Variants in ALK observed in about 807,000 individuals in gnomAD.
The protein encoded by ALK is ALK tyrosine kinase receptor.
In ALK, 74 loss-of-function variants were observed where a neutral mutation model predicts 163.1. The observed-to-expected ratio is 0.45, with a 90% CI of 0.38 to 0.55. The LOEUF is 0.55. Ranked by LOEUF, ALK falls within the 20% of genes least tolerant of loss-of-function variation. The pLI is 0.00. For missense variants in ALK, 2,063 were observed against 2,105.3 expected (o/e 0.98, Z 0.39); for synonymous variants, 960 against 843.2 (o/e 1.14, Z -2.40).
intron 4 of ALK, among the ~76,000 whole-genome samples, chr2:29,450,244 G>A (rs531558265): frequency 1.3e-5 from 2 of 152,310 alleles, no homozygotes; most frequent in South Asian, 2.1e-4. Flanking sequence ...CCGCTCAGAT[G>A]TTCATGTATG....
rs1677333855 is a variant in ALK at position 29,661,097 on chromosome 2, G to A, written c.952+33753C>T. Among the ~76,000 whole-genome samples, 3 of 152,130 alleles carry A rather than the reference G, an allele frequency of 2.0e-5. No individual in the cohort carries two copies. The South Asian group carries it at 6.2e-4, about 32-fold the overall frequency. On this transcript the variant is annotated intron_variant, in intron 3 of 28. Transcript: ENST00000389048. ...GACACCAATACTTACTGAGTGTTGT[G>A]CATTCTTCTAGGGATTTTATATATG...
intron 1 of ALK, among the ~76,000 whole-genome samples, chr2:29,741,908 G>C (rs1028562986): frequency 6.6e-5 from 10 of 152,192 alleles, no homozygotes; most frequent in African/African-American, 2.4e-4. Context: ...TGGGGAGAGA[G>C]AATTACTCAC....
At chr2:29,632,592 G>A (rs1676409339) in intron 3 of ALK, among the ~76,000 whole-genome samples, 1 of 152,204 alleles carries the variant, frequency 6.6e-6, no homozygotes, top group African/African-American at 2.4e-5. Context: ...ACCATGTGAA[G>A]ATGCAGTGAG....
At chr2:29,750,179 C>T (rs1680316614) in intron 1 of ALK, among the ~76,000 whole-genome samples, 1 of 152,182 alleles carries the variant, frequency 6.6e-6, no homozygotes. Flanking sequence ...TAGATGATTT[C>T]ATCACAGTGT....
chr2:29,891,706 G>C (rs1320574489), intron 1 of ALK, among the ~76,000 whole-genome samples: 1 of 152,156 alleles, frequency 6.6e-6, no homozygotes, highest in African/African-American at 2.4e-5. Context: ...TGCTTAGAGA[G>C]AGAATGACTC....
rs185567374 is a variant in ALK, at chr2:29,403,351, A to G, written c.1155-19492T>C. 1.3e-4 allele frequency among the ~76,000 whole-genome samples: 20 copies of G among 152,284 alleles called. No homozygotes were observed. The East Asian group carries it at 3.9e-3, about 29-fold the overall frequency. On this transcript the variant is annotated intron_variant, in intron 4 of 28. Coordinates refer to ENST00000389048, the MANE Select transcript of ALK (RefSeq NM_004304.5). Reference sequence around the variant, plus strand: ...ATTTGCCACAGACTCACCTACCAGAATATCAGGAAAGCATTGTCCAGTGGG... The same window carrying G: ...ATTTGCCACAGACTCACCTACCAGAGTATCAGGAAAGCATTGTCCAGTGGG...
At chr2:29,251,333 G>T (rs2148197918) in intron 11 of ALK, 66 bp from the exon 12 acceptor site, 1 of 1,539,154 alleles carries the variant, frequency 6.5e-7, no homozygotes, top group South Asian at 1.2e-5. Flanking sequence ...GGGCCTCCCT[G>T]GGTGGCCTCT....
At chr2:29,873,464 G>A (rs980116510) in intron 1 of ALK, among the ~76,000 whole-genome samples, 43 of 152,270 alleles carry the variant, frequency 2.8e-4, no homozygotes, top group African/African-American at 8.9e-4. Context: ...ACTGAGAATG[G>A]GAAACCTGGA....
intron 1 of ALK, among the ~76,000 whole-genome samples, chr2:29,889,302 A>T (rs1159204192): frequency 1.3e-5 from 2 of 152,074 alleles, no homozygotes; most frequent in African/African-American, 4.8e-5. Flanking sequence ...TATATATCAC[A>T]TATAAGCTAA....
At chr2:29,412,777 T>C (rs1669754381) in intron 4 of ALK, among the ~76,000 whole-genome samples, 1 of 152,198 alleles carries the variant, frequency 6.6e-6, no homozygotes, top group Non-Finnish European at 1.5e-5. Flanking sequence ...GGTCCAGCCT[T>C]GTTTTTTCAA....
chr2:29,365,741 A>G (rs1668489088), intron 5 of ALK, among the ~76,000 whole-genome samples: 1 of 152,198 alleles, frequency 6.6e-6, no homozygotes, highest in African/African-American at 2.4e-5. Context: ...AAATATTTTG[A>G]GTTCTTTATC....
At chr2:29,917,929 G>T (rs1489289697) in intron 1 of ALK, among the ~76,000 whole-genome samples, 2 of 152,206 alleles carry the variant, frequency 1.3e-5, no homozygotes, top group East Asian at 3.9e-4. Flanking sequence ...ATGCATAAGG[G>T]CTTGGTCCAG....
intron 1 of ALK, among the ~76,000 whole-genome samples, chr2:29,828,245 A>T (rs1211471435): frequency 6.6e-6 from 1 of 152,214 alleles, no homozygotes; most frequent in South Asian, 2.1e-4. Flanking sequence ...ACCATTCAGG[A>T]CATAGGCATG....
At chr2:29,330,297 T>A (rs761945844) in intron 5 of ALK, among the ~76,000 whole-genome samples, 6 of 152,190 alleles carry the variant, frequency 3.9e-5, no homozygotes, top group Non-Finnish European at 7.3e-5. Context: ...GTGATGGTTG[T>A]GTGATGATGC....
chr2:29,466,733 T>C (rs1331382544), intron 4 of ALK, among the ~76,000 whole-genome samples: 1 of 152,150 alleles, frequency 6.6e-6, no homozygotes, highest in East Asian at 1.9e-4. Context: ...TTGATGAAAA[T>C]GAGGTAGAAA....
intron 3 of ALK, among the ~76,000 whole-genome samples, chr2:29,580,825 C>T (rs1048305209): frequency 5.9e-5 from 9 of 152,174 alleles, no homozygotes; most frequent in Non-Finnish European, 1.3e-4. Context: ...GACGCTTATG[C>T]CACAGGTTCA....
intron 3 of ALK, among the ~76,000 whole-genome samples, chr2:29,629,806 G>A (rs1676305598): frequency 6.6e-6 from 1 of 152,148 alleles, no homozygotes. Context: ...GGTCAAAGCA[G>A]TAAGTCACAC....
intron 24 of ALK, among the ~76,000 whole-genome samples, chr2:29,211,537 A>G (rs1669465954): frequency 6.6e-6 from 1 of 152,232 alleles, no homozygotes; most frequent in African/African-American, 2.4e-5. Context: ...AAGGAAAAAG[A>G]TCCAATTTTT....
intron 1 of ALK, among the ~76,000 whole-genome samples, chr2:29,843,903 C>T (rs1296510555): frequency 6.6e-6 from 1 of 152,140 alleles, no homozygotes; most frequent in Admixed American, 6.5e-5. Context: ...CCAGCACCTG[C>T]CCTCATGAAA....
Sources: gnomAD v4.1 joint callset for allele counts (sites outside exome capture counted in the v4.1 genomes callset) on GRCh38, gnomAD v4.1.1 for gene constraint, MANE v1.5 for transcripts, NCBI Gene and HGNC (gene_info 2026-07-23, HGNC 2026-07-21) for gene names.